The following NKAIN2 variants were observed in gnomAD, a reference collection of about 807,000 sequenced individuals.
The protein encoded by NKAIN2 is sodium/potassium transporting ATPase interacting 2.
NKAIN2 carries 14 observed loss-of-function variants against 32.6 expected under a neutral mutation model. The observed-to-expected ratio is 0.43, with a 90% confidence interval of 0.28 to 0.67. The LOEUF (loss-of-function observed/expected upper bound fraction) is 0.67. Among genes scored for constraint, NKAIN2 ranks in the 30% least tolerant of loss-of-function variants. The pLI is 0.17. For missense variants in NKAIN2, 198 were observed against 258.3 expected, an observed-to-expected ratio of 0.77 and a Z score of 1.60; for synonymous variants, 80 against 87.2, an observed-to-expected ratio of 0.92 and a Z score of 0.46.
intron 1 of NKAIN2, among the ~76,000 whole-genome samples, chr6:124,178,661 C>T (rs1354249459): frequency 6.6e-6 from 1 of 152,080 alleles, no homozygotes; most frequent in Non-Finnish European, 1.5e-5. Context: ...ATTAAATAGC[C>T]ACATGTGATG....
chr6:123,826,950 C>T (rs1205088689), intron 1 of NKAIN2, among the ~76,000 whole-genome samples: 1 of 152,102 alleles, frequency 6.6e-6, no homozygotes, highest in African/African-American at 2.4e-5. Flanking sequence ...CACCTTTTTA[C>T]ATTCCCACCA....
At chr6:124,284,711 C>T (rs1795460586) in intron 2 of NKAIN2, among the ~76,000 whole-genome samples, 1 of 151,884 alleles carries the variant, frequency 6.6e-6, no homozygotes, top group South Asian at 2.1e-4. Context: ...TGAAAAGTCC[C>T]TAGCACCGTG....
In NKAIN2 at chr6:124,818,378, C is replaced by T. The variant is rs1781259997; in HGVS notation, c.536-9C>T. 6.5e-7 allele frequency: 1 copy of T among 1,537,134 alleles called. No homozygotes were observed. The highest frequency in any genetic ancestry group is 9.0e-7 in the Non-Finnish European group (1 of 1,111,986). On this transcript the variant is annotated splice_polypyrimidine_tract_variant and intron_variant, in intron 5 of 6. Transcript: ENST00000368417. ...CTGAAAAGCTAATTAATGAATTGTC[C>T]CTTTTCAGTTGATTTCATAGGTGGC... is the stretch of plus-strand genomic sequence containing the variant.
At chr6:124,472,430 C>T (rs1027498463) in intron 3 of NKAIN2, among the ~76,000 whole-genome samples, 2 of 152,048 alleles carry the variant, frequency 1.3e-5, no homozygotes, top group South Asian at 4.1e-4. Flanking sequence ...AATTACAACA[C>T]AGAATGCTAC....
chr6:124,418,157 A>ACTGTGTGTGTGTGTGTGTGT (rs1301786548), intron 3 of NKAIN2, among the ~76,000 whole-genome samples: 2 of 148,054 alleles, frequency 1.4e-5, no homozygotes, highest in Non-Finnish European at 3.0e-5. Flanking sequence ...CCCTGTGTGG[A>ACTGTGTGTGTGTGTGTGTGT]CTGTGTGTGT....
chr6:124,072,730 A>G (rs1033772741), intron 1 of NKAIN2, among the ~76,000 whole-genome samples: 1 of 152,314 alleles, frequency 6.6e-6, no homozygotes, highest in Admixed American at 6.5e-5. Flanking sequence ...AAATATTTCA[A>G]AATCCACTTC....
intron 3 of NKAIN2, among the ~76,000 whole-genome samples, chr6:124,641,038 T>A (rs936155468): frequency 1.3e-5 from 2 of 152,166 alleles, no homozygotes; most frequent in Non-Finnish European, 2.9e-5. Context: ...TGTGAACATA[T>A]CGGGTTTAAC....
intron 1 of NKAIN2, among the ~76,000 whole-genome samples, chr6:124,058,019 G>C (rs1782741664): frequency 6.6e-6 from 1 of 151,944 alleles, no homozygotes; most frequent in African/African-American, 2.4e-5. Context: ...GTTTAAACAG[G>C]AACACAATGA....
At chr6:123,870,587 A>C (rs1005913162) in intron 1 of NKAIN2, among the ~76,000 whole-genome samples, 4 of 152,194 alleles carry the variant, frequency 2.6e-5, no homozygotes, top group African/African-American at 9.7e-5. Context: ...GAAAATTAAT[A>C]ATGCTGTTAT....
At chr6:124,808,177 AC>A (rs1456889305) in intron 5 of NKAIN2, among the ~76,000 whole-genome samples, 2 of 151,930 alleles carry the variant, frequency 1.3e-5, no homozygotes, top group Non-Finnish European at 2.9e-5. Flanking sequence ...CAGAGACACA[AC>A]CAAAAAAGAG....
intron 1 of NKAIN2, among the ~76,000 whole-genome samples, chr6:123,928,438 G>A (rs1482854501): frequency 6.6e-6 from 1 of 152,116 alleles, no homozygotes; most frequent in Non-Finnish European, 1.5e-5. Context: ...GAAATAAAGT[G>A]TGACGATCCT....
chr6:123,988,545 A>C (rs575264755), intron 1 of NKAIN2, among the ~76,000 whole-genome samples: 1 of 152,068 alleles, frequency 6.6e-6, no homozygotes, highest in Non-Finnish European at 1.5e-5. Flanking sequence ...CAGCCTCTTA[A>C]AGCTGTAAAA....
intron 2 of NKAIN2, among the ~76,000 whole-genome samples, chr6:124,286,620 T>A (rs75981972): frequency 0.054 from 8,147 of 151,706 alleles, 486 homozygotes; most frequent in African/African-American, 0.15. Context: ...TCATTACCCA[T>A]TTTTGTTTTC....
intron 3 of NKAIN2, among the ~76,000 whole-genome samples, chr6:124,396,758 A>C (rs1773401567): frequency 6.6e-6 from 1 of 152,202 alleles, no homozygotes; most frequent in Non-Finnish European, 1.5e-5. Context: ...GAGGTGTATG[A>C]GGCATCAAAG....
chr6:124,443,749 C>T lies in NKAIN2; in HGVS notation c.273+88402C>T, dbSNP rs1775784800. ...CAGGAAACGTGTCATAAATTTGTAACTATAAAGTATATCCATTCCACTATA... is the reference window on the plus strand; with the variant it reads ...CAGGAAACGTGTCATAAATTTGTAATTATAAAGTATATCCATTCCACTATA... On this transcript the variant is annotated intron_variant, in intron 3 of 6. Coordinates refer to ENST00000368417, the MANE Select transcript of NKAIN2 (RefSeq NM_001040214.3). 2.6e-5 allele frequency among the ~76,000 whole-genome samples: 4 copies of T among 152,084 alleles called. No individual in the cohort carries two copies. In the South Asian group the frequency reaches 8.3e-4, roughly 32 times the overall value.
At chr6:124,116,116 A>G (rs996445553) in intron 1 of NKAIN2, among the ~76,000 whole-genome samples, 1 of 152,054 alleles carries the variant, frequency 6.6e-6, no homozygotes, top group African/African-American at 2.4e-5. Context: ...TATTGGGTTA[A>G]TATCAGTTTT....
chr6:124,409,363 G>A (rs371721919), intron 3 of NKAIN2, among the ~76,000 whole-genome samples: 28 of 152,130 alleles, frequency 1.8e-4, no homozygotes, highest in South Asian at 4.2e-4. Context: ...TTTGAGATAC[G>A]TCCCATCAAT....
chr6:124,500,522 C>T (rs1778246174), intron 3 of NKAIN2, among the ~76,000 whole-genome samples: 1 of 151,884 alleles, frequency 6.6e-6, no homozygotes, highest in Admixed American at 6.6e-5. Flanking sequence ...GGCGCAATTG[C>T]TCATGGCTGT....
chr6:124,228,623 G>T (rs942593551), intron 1 of NKAIN2, among the ~76,000 whole-genome samples: 14 of 152,088 alleles, frequency 9.2e-5, no homozygotes, highest in African/African-American at 3.4e-4. Flanking sequence ...CATTGTCCAT[G>T]GTAGTGGCCA....
Sources: gnomAD v4.1 joint callset for allele counts (sites outside exome capture counted in the v4.1 genomes callset) on GRCh38, gnomAD v4.1.1 for gene constraint, MANE v1.5 for transcripts, NCBI Gene and HGNC (gene_info 2026-07-23, HGNC 2026-07-21) for gene names.